COPS5: variants seen among roughly 807,000 people sequenced by gnomAD.
The protein encoded by COPS5 is COP9 signalosome complex subunit 5.
A neutral mutation model predicts 44.4 loss-of-function variants in COPS5; 8 were observed. The ratio of observed to expected loss-of-function variants is 0.18; its 90% CI spans 0.11 to 0.32. The LOEUF is 0.32. COPS5 is among the 10% of genes least tolerant of loss of function. The pLI, the probability that COPS5 is intolerant of heterozygous loss-of-function variation, is 1.00. For missense variants in COPS5, 159 were observed against 406.4 expected, an observed-to-expected ratio of 0.39 and a Z score of 5.23; for synonymous variants, 122 against 142.8, an observed-to-expected ratio of 0.85 and a Z score of 1.04.
chr8:67,050,558 A>AGT (rs34629150), intron 6 of COPS5, among the ~76,000 whole-genome samples: 21,511 of 140,970 alleles, frequency 0.15, 1,827 homozygotes, highest in East Asian at 0.34. Flanking sequence ...TGTGAGTGTG[A>AGT]GTGTGTGTGT....
intron 1 of COPS5, chr8:67,061,558 G>A (rs1804627830): frequency 4.4e-6 from 2 of 453,598 alleles, no homozygotes; most frequent in Admixed American, 3.2e-5. Flanking sequence ...TGTCGACACT[G>A]GGCTCAAGGT....
chr8:67,045,726 A>C (rs1320787132), intron 7 of COPS5, 86 bp downstream of exon 7: 1 of 1,314,040 alleles, frequency 7.6e-7, no homozygotes, highest in East Asian at 2.3e-5. Flanking sequence ...AACTTGAGCC[A>C]TAAGGAATCT....
intron 7 of COPS5, chr8:67,045,584 C>T: frequency 1.9e-6 from 1 of 536,828 alleles, no homozygotes; most frequent in Non-Finnish European, 3.3e-6. Context: ...CGTAACACTG[C>T]TTAGAACTTT....
chr8:67,059,075 G>T (rs113490807), intron 2 of COPS5, 136 bp downstream of exon 2: 1 of 603,952 alleles, frequency 1.7e-6, no homozygotes, highest in Non-Finnish European at 2.8e-6. Context: ...TTTTAATCTC[G>T]TACATTTTAC....
intron 6 of COPS5, among the ~76,000 whole-genome samples, chr8:67,047,164 T>C (rs1585708055): frequency 6.6e-6 from 1 of 152,312 alleles, no homozygotes; most frequent in South Asian, 2.1e-4. Flanking sequence ...AATAAACTAG[T>C]TGGCAAAAAG....
At position 67,059,459 on chromosome 8, in the gene COPS5, T is replaced by G. The variant is rs371017930; in HGVS notation, c.144-14A>C. 3 of 1,564,294 alleles carry G rather than the reference T, an allele frequency of 1.9e-6. 1 individual carries two copies. Among genetic ancestry groups the G allele is most frequent in the Non-Finnish European group, 2.6e-6 (3 of 1,135,160 alleles). Reference sequence around the variant, plus strand: ...AAGTAATGGTGACTGCAAAACAAAATCACAATGTAATTAAATTCCTTATAT... The same window carrying G: ...AAGTAATGGTGACTGCAAAACAAAAGCACAATGTAATTAAATTCCTTATAT... On this transcript the variant is annotated splice_polypyrimidine_tract_variant and intron_variant, in intron 1 of 7. Coordinates refer to ENST00000357849, the MANE Select transcript of COPS5 (RefSeq NM_006837.3).
rs1816659050 is a variant in COPS5, at chr8:67,043,308, A to G, written c.930T>C (p.Thr310=). 8.8e-6 allele frequency: 14 copies of G among 1,591,224 alleles called. No homozygotes were observed. The highest frequency in any genetic ancestry group is 1.2e-5 in the Non-Finnish European group (14 of 1,164,402). ...TCAATCCATGGATAGCTTCTATGGT[A>G]GTTTTACAGCTGGAAAAAAAAACAC... is the stretch of plus-strand genomic sequence containing the variant. ...LAKATRDSCK[T]TIEAIHGLMS... The change falls in exon 8 of 8, where the codon ACT becomes ACC. Residue 310 remains threonine, a synonymous_variant. Coordinates refer to ENST00000357849, the MANE Select transcript of COPS5 (RefSeq NM_006837.3).
chr8:67,060,752 C>T (rs1378499281), intron 1 of COPS5: 17 of 295,292 alleles, frequency 5.8e-5, no homozygotes, highest in Non-Finnish European at 8.1e-5. Context: ...TTAGGTCTGA[C>T]TATTGCTCAG....
chr8:67,053,352 A>G (rs1472546302), intron 5 of COPS5, among the ~76,000 whole-genome samples: 1 of 151,458 alleles, frequency 6.6e-6, no homozygotes, highest in Non-Finnish European at 1.5e-5. Flanking sequence ...AGACTCCCAA[A>G]GTGCAAAAAT....
At chr8:67,045,609 C>G (rs1463094514) in intron 7 of COPS5, 1 of 573,832 alleles carries the variant, frequency 1.7e-6, no homozygotes, top group Non-Finnish European at 3.1e-6. Context: ...TAAGCCTTTT[C>G]ATGTTCTTAC....
chr8:67,043,363 A>G (rs1816660247), intron 7 of COPS5, 46 bp from the exon 8 acceptor site: 1 of 1,205,162 alleles, frequency 8.3e-7, no homozygotes, highest in Non-Finnish European at 1.2e-6. Flanking sequence ...ATTGAAAACT[A>G]TTTCAAACAC....
intron 6 of COPS5, among the ~76,000 whole-genome samples, chr8:67,050,001 CTTTTT>C (rs548690353): frequency 7.2e-6 from 1 of 138,726 alleles, no homozygotes; most frequent in Non-Finnish European, 1.6e-5. Flanking sequence ...GTGATACTCT[CTTTTT>C]TTTTTTTTTT....
intron 5 of COPS5, among the ~76,000 whole-genome samples, chr8:67,052,542 C>T (rs994607441): frequency 1.2e-4 from 18 of 151,164 alleles, no homozygotes; most frequent in Non-Finnish European, 2.5e-4. Flanking sequence ...CTCAGCCTCC[C>T]GAGTAGCTGG....
chr8:67,062,069 G>A lies in COPS5; in HGVS notation c.-73C>T, dbSNP rs765215722. 2.5e-6 allele frequency: 4 copies of A among 1,607,790 alleles called. No homozygotes were observed. The highest frequency in any genetic ancestry group is 1.7e-4 in the Middle Eastern group (1 of 6,056). On this transcript the variant is annotated 5_prime_UTR_variant, in exon 1 of 8. Transcript: ENST00000357849. Reference sequence around the variant, plus strand: ...TTACCTCGCTAGGTTTCCGGGTGTGGGCCTTGACCCTCCGCACCACGGGAA... The same window carrying A: ...TTACCTCGCTAGGTTTCCGGGTGTGAGCCTTGACCCTCCGCACCACGGGAA...
Position 67,062,104 on chromosome 8 carries a change from A to T in COPS5, c.-108T>A. On this transcript the variant is annotated 5_prime_UTR_variant, in exon 1 of 8. Transcript: ENST00000357849. ...CTCCGCACCACGGGAACAAACTCTT[A>T]CCTAGACTCTTGGGGCAGCCATGAC... 6.4e-7 allele frequency: 1 copy of T among 1,569,264 alleles called. No individual in the cohort carries two copies. Among genetic ancestry groups the T allele is most frequent in the Non-Finnish European group, 8.6e-7 (1 of 1,161,032 alleles).
chr8:67,045,819 T>G lies in COPS5; in HGVS notation c.913A>C (p.Arg305=). ...KSEDKLAKAT[R]DSCKTTIEAI... is the part of the protein sequence containing the mutation. ...TTATAGATTTACTCTTACCTGTCTC[T>G]TGTAGCTTTGGCAAGTTTGTCTTCT... The change falls in exon 7 of 8, where the codon AGA becomes CGA. Residue 305 remains arginine, a synonymous_variant. Coordinates refer to ENST00000357849, the MANE Select transcript of COPS5 (RefSeq NM_006837.3). 6.2e-7 allele frequency: 1 copy of G among 1,614,206 alleles called. No homozygotes were observed. Among genetic ancestry groups the G allele is most frequent in the African/African-American group, 1.3e-5 (1 of 75,070 alleles).
chr8:67,059,472 A>G (rs1291799990), intron 1 of COPS5, 27 bp from the exon 2 acceptor site: 1 of 1,522,578 alleles, frequency 6.6e-7, no homozygotes, highest in African/African-American at 1.4e-5. Context: ...CAATGTAATT[A>G]AATTCCTTAT....
At chr8:67,047,288 G>A (rs1490986795) in intron 6 of COPS5, among the ~76,000 whole-genome samples, 1 of 152,154 alleles carries the variant, frequency 6.6e-6, no homozygotes, top group East Asian at 1.9e-4. Context: ...AATGCTACCA[G>A]TTCTTCCAAT....
At chr8:67,043,473 T>G (rs1362890531) in intron 7 of COPS5, 156 bp from the exon 8 acceptor site, 4 of 520,410 alleles carry the variant, frequency 7.7e-6, no homozygotes, top group Non-Finnish European at 1.4e-5. Context: ...GTGATTTTAT[T>G]AGTCTTCCCC....
Sources: allele counts gnomAD v4.1 joint callset (sites outside exome capture counted in the v4.1 genomes callset), GRCh38; gene constraint gnomAD v4.1.1; transcripts MANE v1.5; gene names NCBI Gene and HGNC (gene_info 2026-07-23, HGNC 2026-07-21).